The following DPY19L4 variants were observed in gnomAD, a reference collection of about 807,000 sequenced individuals.
The protein encoded by DPY19L4 is dpy-19 like 4.
In DPY19L4, 97 loss-of-function variants were observed where a neutral mutation model predicts 102.8. That is an observed-to-expected ratio of 0.94 (90% CI 0.80 to 1.12). The LOEUF (loss-of-function observed/expected upper bound fraction) is 1.12. DPY19L4 is among the 50% of genes most tolerant of loss of function. DPY19L4 has a pLI of 0.00. For missense variants in DPY19L4, 815 were observed against 850.4 expected, an observed-to-expected ratio of 0.96 and a Z score of 0.52; for synonymous variants, 252 against 283.1, an observed-to-expected ratio of 0.89 and a Z score of 1.10.
Position 94,767,544 on chromosome 8 carries a change from G to A in DPY19L4, c.1176-851G>A, listed in dbSNP as rs571029729. On this transcript the variant is annotated intron_variant, in intron 11 of 18. Coordinates refer to ENST00000414645, the MANE Select transcript of DPY19L4 (RefSeq NM_181787.3). Reference sequence around the variant, plus strand: ...TCCTGACTCGTGATCTGCCCGCCTCGGCCTCCCAAAGTGCTGGGATTACAG... The same window carrying A: ...TCCTGACTCGTGATCTGCCCGCCTCAGCCTCCCAAAGTGCTGGGATTACAG... Among the ~76,000 whole-genome samples, 7 of 152,048 alleles carry A rather than the reference G, an allele frequency of 4.6e-5. No homozygotes were observed. The East Asian group carries it at 7.8e-4, about 17-fold the overall frequency.
chr8:94,766,062 A>T (rs1159941006), intron 10 of DPY19L4, among the ~76,000 whole-genome samples: 1 of 151,060 alleles, frequency 6.6e-6, no homozygotes, highest in Non-Finnish European at 1.5e-5. Context: ...ACATTAAGCA[A>T]TATATGGAAT....
intron 7 of DPY19L4, among the ~76,000 whole-genome samples, chr8:94,758,553 A>T (rs556278170): frequency 3.9e-5 from 6 of 152,238 alleles, no homozygotes; most frequent in Admixed American, 3.9e-4. Context: ...GCAACCACTG[A>T]TCTATTCTCT....
At position 94,777,575 on chromosome 8, in the gene DPY19L4, G is replaced by C. The variant is rs532726699; in HGVS notation, c.1455-91G>C. The C allele has an allele frequency of 4.8e-6, 7 of 1,456,012 alleles. No individual in the cohort carries two copies. The African/African-American group carries it at 8.5e-5, about 18-fold the overall frequency. The allele number at this position is 1,456,012 out of a possible 1,614,324, so 90.2% of individuals were successfully genotyped here. A position where few individuals can be genotyped will look rare whatever the true frequency, so the allele number is the denominator to read the frequency against. On this transcript the variant is annotated intron_variant, in intron 13 of 18. Transcript: ENST00000414645. Reference sequence around the variant, plus strand: ...TGTCCCTTAGCATTTTGGTATTTTCGTGAGTAGTAGGAAAGAGCTCAGAGA... The same window carrying C: ...TGTCCCTTAGCATTTTGGTATTTTCCTGAGTAGTAGGAAAGAGCTCAGAGA...
intron 3 of DPY19L4, among the ~76,000 whole-genome samples, chr8:94,735,168 G>A (rs1028485626): frequency 6.6e-6 from 1 of 152,142 alleles, no homozygotes; most frequent in Admixed American, 6.5e-5. Context: ...TTAAGATTTT[G>A]TCTCATATTA....
At chr8:94,754,814 A>C (rs927058761) in intron 6 of DPY19L4, among the ~76,000 whole-genome samples, 1 of 152,174 alleles carries the variant, frequency 6.6e-6, no homozygotes, top group Admixed American at 6.6e-5. Flanking sequence ...TTTGAAATAG[A>C]GTCTTGCTGT....
intron 6 of DPY19L4, among the ~76,000 whole-genome samples, chr8:94,753,446 G>A (rs1193622623): frequency 6.6e-6 from 1 of 152,164 alleles, no homozygotes; most frequent in Non-Finnish European, 1.5e-5. Flanking sequence ...ATATTTAAGT[G>A]TAATTATTTT....
intron 10 of DPY19L4, 89 bp downstream of exon 10, chr8:94,765,898 C>T (rs762141479): frequency 4.7e-5 from 39 of 826,600 alleles, no homozygotes; most frequent in South Asian, 3.6e-4. Flanking sequence ...TGAGATAGCA[C>T]GTAATAGAGT....
chr8:94,750,419 T>C (rs556423977), intron 6 of DPY19L4, among the ~76,000 whole-genome samples: 42 of 152,240 alleles, frequency 2.8e-4, no homozygotes, highest in African/African-American at 9.9e-4. Flanking sequence ...AAGTAAAAAA[T>C]AGTTTGTTAG....
chr8:94,776,322 C>T (rs963692964), intron 13 of DPY19L4, among the ~76,000 whole-genome samples: 3 of 151,630 alleles, frequency 2.0e-5, no homozygotes, highest in South Asian at 4.2e-4. Flanking sequence ...CGAGAGCCAC[C>T]GCACATGGCC....
At chr8:94,733,809 C>T (rs956055528) in intron 2 of DPY19L4, among the ~76,000 whole-genome samples, 5 of 152,072 alleles carry the variant, frequency 3.3e-5, no homozygotes, top group African/African-American at 9.6e-5. Context: ...CCCAAAGTGG[C>T]GGGATTACAG....
chr8:94,734,815 A>T, intron 3 of DPY19L4, 61 bp downstream of exon 3: 2 of 1,603,038 alleles, frequency 1.2e-6, no homozygotes, highest in Non-Finnish European at 1.7e-6. Flanking sequence ...GAATGTATGT[A>T]TGATAAGTAT....
Position 94,762,678 on chromosome 8 carries a change from T to C in DPY19L4, c.870+844T>C, listed in dbSNP as rs191099475. 5.0e-4 allele frequency among the ~76,000 whole-genome samples: 76 copies of C among 152,214 alleles called. 1 individual carries two copies. The highest frequency in any genetic ancestry group is 1.0e-3 in the Admixed American group (16 of 15,274). On this transcript the variant is annotated intron_variant, in intron 8 of 18. Coordinates refer to ENST00000414645, the MANE Select transcript of DPY19L4 (RefSeq NM_181787.3). ...TACTCAGGAGGCCAAGGCAGGAGGA[T>C]TGTTTGAGCCCAGGAATTCAAGTCC...
chr8:94,745,326 T>C (rs570303938), intron 6 of DPY19L4, among the ~76,000 whole-genome samples: 1 of 124,670 alleles, frequency 8.0e-6, no homozygotes, highest in East Asian at 2.0e-4. Context: ...AGAAGCAATG[T>C]GGAAATTGTC....
intron 12 of DPY19L4, among the ~76,000 whole-genome samples, chr8:94,770,201 T>C (rs1812865316): frequency 6.6e-6 from 1 of 152,196 alleles, no homozygotes; most frequent in Non-Finnish European, 1.5e-5. Context: ...TTTATTTTGC[T>C]GAAAATTCAT....
chr8:94,751,154 T>C (rs1305633434), intron 6 of DPY19L4, among the ~76,000 whole-genome samples: 2 of 149,312 alleles, frequency 1.3e-5, no homozygotes, highest in Non-Finnish European at 3.0e-5. Context: ...AGTCTCACTC[T>C]GTTGCCCAGG....
At chr8:94,776,580 A>T (rs762971049) in intron 13 of DPY19L4, among the ~76,000 whole-genome samples, 1 of 151,342 alleles carries the variant, frequency 6.6e-6, no homozygotes, top group Non-Finnish European at 1.5e-5. Flanking sequence ...TAATTTATTT[A>T]ATCAATACCT....
At chr8:94,745,800 G>T (rs962799779) in intron 6 of DPY19L4, among the ~76,000 whole-genome samples, 3 of 152,084 alleles carry the variant, frequency 2.0e-5, no homozygotes, top group African/African-American at 4.8e-5. Flanking sequence ...TGTTTCACAG[G>T]CTAGAGTGCA....
At chr8:94,729,597 CAAAAA>C (rs770975687) in intron 2 of DPY19L4, among the ~76,000 whole-genome samples, 4 of 31,046 alleles carry the variant, frequency 1.3e-4, no homozygotes, top group African/African-American at 2.8e-4. Flanking sequence ...GATTCCATCT[CAAAAA>C]AAAAAAAAAA....
At chr8:94,771,473 C>T (rs1464609686) in intron 13 of DPY19L4, among the ~76,000 whole-genome samples, 1 of 152,196 alleles carries the variant, frequency 6.6e-6, no homozygotes, top group Non-Finnish European at 1.5e-5. Flanking sequence ...CCTTATTTAA[C>T]TTATGGCCTA....
Sources: allele counts gnomAD v4.1 joint callset (sites outside exome capture counted in the v4.1 genomes callset), GRCh38; gene constraint gnomAD v4.1.1; transcripts MANE v1.5; gene names NCBI Gene and HGNC (gene_info 2026-07-23, HGNC 2026-07-21).